SEMA4G: variants seen among roughly 807,000 people sequenced by gnomAD.
SEMA4G encodes semaphorin-4G.
Under a neutral mutation model 81.2 loss-of-function variants are expected in SEMA4G, and 59 were observed. The ratio of observed to expected loss-of-function variants is 0.73; its 90% CI spans 0.59 to 0.90. SEMA4G has a LOEUF of 0.90. SEMA4G is among the 40% of genes least tolerant of loss of function. The pLI is 0.00. For missense variants in SEMA4G, 952 were observed against 1,102.3 expected, an observed-to-expected ratio of 0.86 and a Z score of 1.93; for synonymous variants, 404 against 433.9, an observed-to-expected ratio of 0.93 and a Z score of 0.86.
chr10:100,984,749 A>C, exon 14 of SEMA4G: 1 of 1,536,066 alleles, frequency 6.5e-7, no homozygotes, highest in Non-Finnish European at 8.7e-7. Context: ...CCTCTTCCCC[A>C]GCCCCATGTG....
At chr10:100,981,311 T>C (rs961241754) in intron 13 of SEMA4G, 82 bp downstream of exon 14, 2 of 1,597,982 alleles carry the variant, frequency 1.3e-6, no homozygotes, top group Admixed American at 1.7e-5. Context: ...TATATGTTTG[T>C]ATCTGAGTGG....
chr10:100,980,806 C>T lies in SEMA4G; in HGVS notation c.1468-16C>T. On this transcript the variant is annotated splice_polypyrimidine_tract_variant and intron_variant, in intron 11 of 13. Coordinates refer to ENST00000370250, the Ensembl canonical transcript of SEMA4G. Reference sequence around the variant, plus strand: ...AGTGGGGACGCTGCCGACCAACTGTCCTATCTGGCTCCCAGCACAGCCTCT... The same window carrying T: ...AGTGGGGACGCTGCCGACCAACTGTTCTATCTGGCTCCCAGCACAGCCTCT... 1 of 1,564,070 alleles carries T rather than the reference C, an allele frequency of 6.4e-7. No homozygotes were observed. Among genetic ancestry groups the T allele is most frequent in the Non-Finnish European group, 8.6e-7 (1 of 1,159,318 alleles).
intron 10 of SEMA4G, 71 bp from the exon 12 acceptor site, chr10:100,980,507 T>C: frequency 7.0e-7 from 1 of 1,431,946 alleles, no homozygotes; most frequent in South Asian, 1.2e-5. Flanking sequence ...GCTGTTCGTA[T>C]TAGGCCTCTT....
chr10:100,971,920 T>G (rs1031528059), upstream of SEMA4G, among the ~76,000 whole-genome samples: 1 of 152,174 alleles, frequency 6.6e-6, no homozygotes, highest in Non-Finnish European at 1.5e-5. Context: ...CCCACCCCAA[T>G]GCCTGTGAAT....
At chr10:100,984,937 AACAC>A (rs146737296), downstream of SEMA4G, 75,863 of 1,436,472 alleles carry the variant, frequency 0.053, 2,330 homozygotes, top group Non-Finnish European at 0.062. Context: ...CACATGTGGT[AACAC>A]ACACCTGTAT....
intron 13 of SEMA4G, among the ~76,000 whole-genome samples, chr10:100,982,948 G>A (rs1851180122): frequency 6.6e-6 from 1 of 152,198 alleles, no homozygotes; most frequent in Admixed American, 6.5e-5. Flanking sequence ...TGGTTTTGAG[G>A]TGTCCAAGAG....
downstream of SEMA4G, chr10:100,985,193 A>T (rs996061169): frequency 7.2e-5 from 24 of 333,364 alleles, no homozygotes; most frequent in African/African-American, 5.0e-4. Context: ...GAGAAATCTG[A>T]TGTCTCAACT....
At chr10:100,972,744 C>T (rs1259348483) in exon 1 of SEMA4G, 29 of 581,350 alleles carry the variant, frequency 5.0e-5, no homozygotes, top group South Asian at 7.6e-5. Flanking sequence ...GATTCCAGGA[C>T]CCCCCATGGC....
rs557984486 is a variant in SEMA4G at position 100,982,966 on chromosome 10, G to A, written c.1691-339G>A. ...TTTTGAGGTGTCCAAGAGACCTCAT[G>A]TGGAGATGCCCAGCACATGGTAGAT... On this transcript the variant is annotated intron_variant, in intron 13 of 13. Transcript: ENST00000370250. Among the ~76,000 whole-genome samples the A allele has an allele frequency of 3.9e-5, 6 of 152,374 alleles. No homozygotes were observed. In the South Asian group the frequency reaches 1.2e-3, roughly 32 times the overall value.
upstream of SEMA4G, among the ~76,000 whole-genome samples, chr10:100,970,104 T>C (rs886337905): frequency 1.3e-5 from 2 of 152,138 alleles, no homozygotes; most frequent in South Asian, 4.1e-4. Context: ...GATCCTCCAT[T>C]GATCCTGTTT....
Position 100,973,722 on chromosome 10 carries a change from C to A in SEMA4G, c.336+113C>A. The stretch of plus-strand genomic sequence containing the variant: ...GTACAGACCTGCCAGTCAATCTCAG[C>A]AACCACAGTAAACATTGTAAGTATT... On this transcript the variant is annotated intron_variant, in intron 3 of 13. Transcript: ENST00000370250. This position sits in a 1 kb window ranked among gnomAD's most constrained non-coding sequence, Gnocchi z 5.5. The A allele has an allele frequency of 1.1e-6, 1 of 914,798 alleles. No individual in the cohort carries two copies. Among genetic ancestry groups the A allele is most frequent in the Non-Finnish European group, 1.7e-6 (1 of 590,238 alleles). 56.7% of individuals were successfully genotyped at this position (914,798 alleles called of 1,614,324 possible). A position where few individuals can be genotyped will look rare whatever the true frequency, so the allele number is the denominator to read the frequency against.
intron 8 of SEMA4G, 98 bp downstream of exon 9, chr10:100,979,369 C>T (rs1288866802): frequency 6.3e-7 from 1 of 1,593,860 alleles, no homozygotes; most frequent in Admixed American, 1.7e-5. Flanking sequence ...GTGGGGAGGT[C>T]TGGCTGCAAA....
intron 13 of SEMA4G, 68 bp from the exon 15 acceptor site, chr10:100,983,237 G>C: frequency 6.9e-7 from 1 of 1,452,090 alleles, no homozygotes; most frequent in Admixed American, 2.7e-5. Flanking sequence ...GCAGTGAACA[G>C]TCTGGCTTGC....
chr10:100,979,574 G>A (rs1053421441), intron 8 of SEMA4G, among the ~76,000 whole-genome samples: 3 of 152,072 alleles, frequency 2.0e-5, no homozygotes, highest in African/African-American at 7.2e-5. Context: ...ATAGAGATGG[G>A]GTTTCACTGT....
At chr10:100,984,122 C>T in exon 14 of SEMA4G, 1 of 1,608,916 alleles carries the variant, frequency 6.2e-7, no homozygotes, top group Non-Finnish European at 8.5e-7. Flanking sequence ...TAGATGAGAG[C>T]TCTGTCTGAG....
At position 100,979,965 on chromosome 10, in the gene SEMA4G, T is replaced by C. The variant is rs751463430; in HGVS notation, c.1101T>C (p.Gly367=). 3.7e-6 allele frequency: 6 copies of C among 1,613,642 alleles called. No homozygotes were observed. The East Asian group carries it at 1.3e-4, about 36-fold the overall frequency. The change falls in exon 9 of 14, where the codon GGT becomes GGC. Residue 367 remains glycine (G), a synonymous_variant. Coordinates refer to ENST00000370250, the Ensembl canonical transcript of SEMA4G. The stretch of plus-strand genomic sequence containing the variant: ...CCCGGCGCTGGGGTCGCTATGAGGG[T>C]GGGGTGCCTGAGCCCCGGCCTGGCT...
intron 3 of SEMA4G, among the ~76,000 whole-genome samples, chr10:100,976,186 C>T (rs752379113): frequency 2.6e-5 from 4 of 152,076 alleles, no homozygotes; most frequent in African/African-American, 7.2e-5. Flanking sequence ...GAATCATTAA[C>T]GTGGCAAAGG....
chr10:100,983,696 C>T, exon 14 of SEMA4G: 1 of 1,613,552 alleles, frequency 6.2e-7, no homozygotes, highest in Non-Finnish European at 8.5e-7. Context: ...TGGCCTCCTC[C>T]CTCCTCTATG....
In SEMA4G at chr10:100,980,003, A is replaced by G. The variant is rs1850984827; in HGVS notation, c.1128+11A>G. 6.2e-7 allele frequency: 1 copy of G among 1,613,792 alleles called. No individual in the cohort carries two copies. Among genetic ancestry groups the G allele is most frequent in the Non-Finnish European group, 8.5e-7 (1 of 1,179,970 alleles). Reference sequence around the variant, plus strand: ...CCCCGGCCTGGCTCGGTGAGTGCCCAGGCCTGGGGCCAGTGCTGAGTAGAC... The same window carrying G: ...CCCCGGCCTGGCTCGGTGAGTGCCCGGGCCTGGGGCCAGTGCTGAGTAGAC... On this transcript the variant is annotated intron_variant, in intron 9 of 13. Coordinates refer to ENST00000370250, the Ensembl canonical transcript of SEMA4G.
Sources: gnomAD v4.1 joint callset for allele counts (sites outside exome capture counted in the v4.1 genomes callset) on GRCh38, gnomAD v4.1.1 for gene constraint, Gnocchi (gnomAD v3.1) non-coding constraint, MANE v1.5 for transcripts, NCBI Gene and HGNC (gene_info 2026-07-23, HGNC 2026-07-21) for gene names.